Variants in INSL6 observed in about 807,000 individuals in gnomAD.
INSL6 encodes insulin-like peptide INSL6.
A neutral mutation model predicts 9.4 loss-of-function variants in INSL6; 16 were observed. That is an observed-to-expected ratio of 1.70 (90% CI 1.15 to 2.59). The LOEUF (loss-of-function observed/expected upper bound fraction) is 2.59. Among genes scored for constraint, INSL6 ranks in the 30% most tolerant of loss-of-function variants. The pLI is 0.00. For missense variants in INSL6, 391 were observed against 257.3 expected (o/e 1.52, Z -3.56); for synonymous variants, 154 against 96.9 (o/e 1.59, Z -3.46).
the INSL6 span, among the ~76,000 whole-genome samples, chr9:5,038,260 G>A: frequency 2.0e-5 from 3 of 152,124 alleles, no homozygotes; most frequent in Non-Finnish European, 2.9e-5. Context: ...AGAACAGAAA[G>A]TTTGAATAGG....
At chr9:5,071,644 GA>G in the INSL6 span, among the ~76,000 whole-genome samples, 2 of 152,164 alleles carry the variant, frequency 1.3e-5, no homozygotes, top group Non-Finnish European at 2.9e-5. Context: ...TGGATTATAT[GA>G]AAGAGGGATT....
At chr9:5,114,627 A>G in the INSL6 span, 1 of 483,312 alleles carries the variant, frequency 2.1e-6, no homozygotes, top group South Asian at 1.6e-5. Flanking sequence ...GCTCCCGGAC[A>G]CTTGGCACAG....
chr9:5,128,566 A>ATTGCT (rs1824152021), intron 3 of INSL6, among the ~76,000 whole-genome samples: 1 of 151,920 alleles, frequency 6.6e-6, no homozygotes. Flanking sequence ...GGTCTCTAAC[A>ATTGCT]TTGCTTTTTA....
At chr9:5,106,205 GA>G in the INSL6 span, among the ~76,000 whole-genome samples, 1 of 151,578 alleles carries the variant, frequency 6.6e-6, no homozygotes, top group African/African-American at 2.4e-5. Flanking sequence ...AAATTTACAA[GA>G]AAAAAACAAC....
At chr9:5,059,791 G>A in the INSL6 span, among the ~76,000 whole-genome samples, 1 of 152,052 alleles carries the variant, frequency 6.6e-6, no homozygotes, top group African/African-American at 2.4e-5. Context: ...TCATTGCCCT[G>A]GTGAGTAATG....
intron 2 of INSL6, among the ~76,000 whole-genome samples, chr9:5,140,640 C>G (rs1419357256): frequency 2.0e-5 from 3 of 152,130 alleles, no homozygotes; most frequent in Non-Finnish European, 4.4e-5. Context: ...AGGATAAAGT[C>G]CAACATCCCA....
the INSL6 span, among the ~76,000 whole-genome samples, chr9:5,049,402 T>A: frequency 4.6e-3 from 701 of 152,328 alleles, 6 homozygotes; most frequent in African/African-American, 0.016. Flanking sequence ...TCTGAACATA[T>A]CTGGTGCTTT....
chr9:5,042,421 G>A, the INSL6 span, among the ~76,000 whole-genome samples: 9 of 152,160 alleles, frequency 5.9e-5, no homozygotes, highest in Admixed American at 3.3e-4. Flanking sequence ...ACAGGCGTGA[G>A]CCACCGCGCC....
the INSL6 span, among the ~76,000 whole-genome samples, chr9:5,058,848 TA>T: frequency 1.2e-3 from 177 of 152,310 alleles, no homozygotes; most frequent in African/African-American, 4.0e-3. Context: ...TTTGAAGAAA[TA>T]TATATTCAAG....
At chr9:5,094,068 C>T in the INSL6 span, 2 of 152,250 alleles carry the variant, frequency 1.3e-5, no homozygotes, top group East Asian at 3.9e-4. Context: ...TAAAACTTTA[C>T]AATCAAAGGT....
chr9:5,053,429 A>C, the INSL6 span, among the ~76,000 whole-genome samples: 1 of 151,974 alleles, frequency 6.6e-6, no homozygotes, highest in East Asian at 1.9e-4. Context: ...CATTCTGTGT[A>C]TTGTTATTTT....
At chr9:5,089,304 C>T in the INSL6 span, among the ~76,000 whole-genome samples, 5 of 151,908 alleles carry the variant, frequency 3.3e-5, no homozygotes, top group Admixed American at 6.6e-5. Context: ...TTTGGGAGGC[C>T]GAGTTGGGTG....
the INSL6 span, chr9:5,086,233 A>G: frequency 1.7e-6 from 1 of 604,714 alleles, no homozygotes; most frequent in Non-Finnish European, 2.1e-6. Flanking sequence ...TCGGAGTCTG[A>G]AAGTCGCGGT....
the INSL6 span, among the ~76,000 whole-genome samples, chr9:5,092,579 C>T: frequency 6.6e-6 from 1 of 152,030 alleles, no homozygotes; most frequent in African/African-American, 2.4e-5. Context: ...TATCTTGGCA[C>T]AATAGATACA....
the INSL6 span, among the ~76,000 whole-genome samples, chr9:5,037,369 A>T: frequency 2.0e-5 from 3 of 152,228 alleles, no homozygotes; most frequent in East Asian, 5.8e-4. Flanking sequence ...ATATACCCAA[A>T]GGATTATAAA....
exon 4 of INSL6, among the ~76,000 whole-genome samples, chr9:5,123,957 G>T (rs183609532): frequency 1.3e-5 from 2 of 150,996 alleles, no homozygotes; most frequent in East Asian, 1.9e-4. Flanking sequence ...CATTTCTCTG[G>T]TGATTAGTGA....
At chr9:4,999,559 ATTAAC>A in the INSL6 span, among the ~76,000 whole-genome samples, 1 of 152,226 alleles carries the variant, frequency 6.6e-6, no homozygotes, top group African/African-American at 2.4e-5. Flanking sequence ...TTTATTAAAT[ATTAAC>A]TTAAATGATC....
the INSL6 span, among the ~76,000 whole-genome samples, chr9:5,079,528 C>G: frequency 6.6e-6 from 1 of 151,620 alleles, no homozygotes; most frequent in African/African-American, 2.4e-5. Flanking sequence ...GTGGGAATTG[C>G]CATGGCTATT....
At chr9:5,035,608 T>A in the INSL6 span, among the ~76,000 whole-genome samples, 1 of 152,220 alleles carries the variant, frequency 6.6e-6, no homozygotes, top group African/African-American at 2.4e-5. Context: ...TAATCCAGCA[T>A]ATAAACAGAA....
Sources: allele counts gnomAD v4.1 joint callset (sites outside exome capture counted in the v4.1 genomes callset), GRCh38; gene constraint gnomAD v4.1.1; transcripts MANE v1.5; gene names NCBI Gene and HGNC (gene_info 2026-07-23, HGNC 2026-07-21).